Variants in SULT1B1 observed in about 807,000 individuals in gnomAD.
SULT1B1 encodes sulfotransferase 1B1.
In SULT1B1, 28 loss-of-function variants were observed where a neutral mutation model predicts 34.6. The observed-to-expected ratio is 0.81, with a 90% CI of 0.60 to 1.11. SULT1B1 has a LOEUF of 1.11. SULT1B1 is among the 50% of genes least tolerant of loss of function. The pLI, the probability that SULT1B1 is intolerant of heterozygous loss-of-function variation, is 0.00. For synonymous variants in SULT1B1, 147 were observed against 110.2 expected, an observed-to-expected ratio of 1.33 and a Z score of -2.09; for missense variants, 374 against 352.2, an observed-to-expected ratio of 1.06 and a Z score of -0.50.
intron 4 of SULT1B1, among the ~76,000 whole-genome samples, chr4:69,746,733 C>T (rs981220392): frequency 6.6e-6 from 1 of 152,162 alleles, no homozygotes; most frequent in Admixed American, 6.5e-5. Flanking sequence ...CCATTGCTGG[C>T]AAGCTAGTTA....
Position 69,755,178 on chromosome 4 carries a change from A to G in SULT1B1, c.40T>C (p.Leu14=). ...PKDILRKDLK[L]VHGYPMTCAF... Reference sequence around the variant, plus strand: ...CAGGTCATGGGATAACCATGGACCAACTTCAGATCTTTTCGCAGAATATCT... The same window carrying G: ...CAGGTCATGGGATAACCATGGACCAGCTTCAGATCTTTTCGCAGAATATCT... Residue 14 remains leucine (L), a synonymous_variant, in exon 2 of 8, where the codon TTG becomes CTG. Coordinates refer to ENST00000310613, the MANE Select transcript of SULT1B1 (RefSeq NM_014465.4). 6.2e-7 allele frequency: 1 copy of G among 1,613,852 alleles called. No individual in the cohort carries two copies. Among genetic ancestry groups the G allele is most frequent in the Non-Finnish European group, 8.5e-7 (1 of 1,179,718 alleles).
intron 7 of SULT1B1, among the ~76,000 whole-genome samples, chr4:69,728,969 G>A (rs1717952895): frequency 6.6e-6 from 1 of 151,974 alleles, no homozygotes; most frequent in South Asian, 2.1e-4. Flanking sequence ...TATTAGAACA[G>A]CAAGTGCTTT....
rs1394038468 is a variant in SULT1B1, at chr4:69,725,163, A to G, written c.*1925T>C. On this transcript the variant is annotated 3_prime_UTR_variant, in exon 8 of 8. Transcript: ENST00000310613. ...TATCCAGAATCTACAAAGAACTCAA[A>G]CAAATTTACAAGAAAAAAAAAACAA... 6.7e-6 allele frequency: 1 copy of G among 149,946 alleles called. No individual in the cohort carries two copies. The highest frequency in any genetic ancestry group is 1.5e-5 in the Non-Finnish European group (1 of 67,308). 9.3% of individuals were successfully genotyped at this position (149,946 alleles called of 1,614,324 possible).
chr4:69,745,480 G>C (rs1410480593), intron 4 of SULT1B1, among the ~76,000 whole-genome samples: 5 of 152,082 alleles, frequency 3.3e-5, no homozygotes, highest in African/African-American at 1.2e-4. Flanking sequence ...CCTTTTGATT[G>C]TTGGTTTAAA....
In SULT1B1 at chr4:69,726,849, TAC is replaced by T; in HGVS notation, c.*237_*238del. ...GAAAAAGGCAGGAAGAGCCTGTGGT[TAC>T]ATTGTTCCTTTGTTACAAAAAGTTA... On this transcript the variant is annotated 3_prime_UTR_variant, in exon 8 of 8. Transcript: ENST00000310613. The T allele has an allele frequency of 2.7e-6, 1 of 365,044 alleles. No homozygotes were observed. The highest frequency in any genetic ancestry group is 4.9e-6 in the Non-Finnish European group (1 of 204,558). The allele number at this position is 365,044 out of a possible 1,614,324, so 22.6% of individuals were successfully genotyped here. A position where few individuals can be genotyped will look rare whatever the true frequency, so the allele number is the denominator to read the frequency against.
rs547255424 is a variant in SULT1B1 at position 69,749,709 on chromosome 4, T to G, written c.375+12A>C. 1 of 1,595,610 alleles carries G rather than the reference T, an allele frequency of 6.3e-7. No individual in the cohort carries two copies. The highest frequency in any genetic ancestry group is 1.1e-5 in the South Asian group (1 of 90,502). ...GCCATACTAAAAAACTGACATGGAG[T>G]CTGGAGTATACCTTGCAATTGTTTT... On this transcript the variant is annotated intron_variant, in intron 4 of 7. Transcript: ENST00000310613.
At chr4:69,730,826 A>T in intron 6 of SULT1B1, 145 bp from the exon 7 acceptor site, 3 of 684,918 alleles carry the variant, frequency 4.4e-6, no homozygotes, top group Non-Finnish European at 7.1e-6. Flanking sequence ...CAATTTTTAA[A>T]TAAACTAATC....
intron 3 of SULT1B1, among the ~76,000 whole-genome samples, chr4:69,753,419 A>G (rs1719058176): frequency 6.6e-6 from 1 of 152,222 alleles, no homozygotes; most frequent in South Asian, 2.1e-4. Flanking sequence ...AAAACTCTAT[A>G]TAATTTTTCT....
intron 4 of SULT1B1, among the ~76,000 whole-genome samples, chr4:69,735,764 T>C: frequency 6.6e-6 from 1 of 152,130 alleles, no homozygotes; most frequent in Admixed American, 6.5e-5. Context: ...GTAGCTATCA[T>C]AAAAAAGCGT....
At chr4:69,748,163 A>G (rs926189410) in intron 4 of SULT1B1, among the ~76,000 whole-genome samples, 3 of 152,180 alleles carry the variant, frequency 2.0e-5, no homozygotes, top group African/African-American at 7.2e-5. Flanking sequence ...TGACAATGAT[A>G]CGTTGAGAGT....
intron 4 of SULT1B1, among the ~76,000 whole-genome samples, chr4:69,744,582 G>A (rs1373578164): frequency 2.6e-5 from 4 of 152,178 alleles, no homozygotes; most frequent in African/African-American, 9.7e-5. Context: ...GGTGTTGGTG[G>A]TTATTCTTGC....
At chr4:69,742,319 C>T (rs1422131855) in intron 4 of SULT1B1, among the ~76,000 whole-genome samples, 1 of 152,012 alleles carries the variant, frequency 6.6e-6, no homozygotes, top group African/African-American at 2.4e-5. Context: ...GGAATATTGT[C>T]CTGAAGTTTT....
intron 1 of SULT1B1, among the ~76,000 whole-genome samples, chr4:69,757,864 C>T (rs1245340833): frequency 6.6e-6 from 1 of 151,948 alleles, no homozygotes; most frequent in Non-Finnish European, 1.5e-5. Context: ...AGTTGCAGGC[C>T]TCAAAAACCT....
At chr4:69,731,257 T>C (rs890179932) in intron 6 of SULT1B1, among the ~76,000 whole-genome samples, 12 of 152,154 alleles carry the variant, frequency 7.9e-5, no homozygotes, top group Admixed American at 4.6e-4. Flanking sequence ...TAGATTCTCA[T>C]AGGAGCATGA....
chr4:69,730,464 A>C, intron 7 of SULT1B1, 37 bp downstream of exon 7: 5 of 1,556,430 alleles, frequency 3.2e-6, no homozygotes, highest in Non-Finnish European at 4.4e-6. Context: ...TTCATAAGAA[A>C]GTACGAAAGG....
At position 69,724,915 on chromosome 4, in the gene SULT1B1, A is replaced by T. The variant is rs1717758576; in HGVS notation, c.*2173T>A. 1 of 152,128 alleles carries T rather than the reference A, an allele frequency of 6.6e-6. No individual in the cohort carries two copies. The highest frequency in any genetic ancestry group is 2.4e-5 in the African/African-American group (1 of 41,416). 9.4% of individuals were successfully genotyped at this position (152,128 alleles called of 1,614,324 possible). ...AAATGTAAGACCTAAAACCATAAAA[A>T]CCCTAGAAGAAAACCTAGGCAATAT... is the stretch of plus-strand genomic sequence containing the variant. On this transcript the variant is annotated 3_prime_UTR_variant, in exon 8 of 8. Transcript: ENST00000310613.
At position 69,734,249 on chromosome 4, in the gene SULT1B1, G is replaced by A. The variant is rs540095455; in HGVS notation, c.391C>T (p.Arg131Cys). Reference protein sequence around the residue: ...ENNCKMIYLARNAKDVSVSYY... With the variant: ...ENNCKMIYLACNAKDVSVSYY... Reference sequence around the variant, plus strand: ...GAGACTGAAACATCCTTGGCATTACGAGCCAGATAAATCATCTGCAGTGGG... The same window carrying A: ...GAGACTGAAACATCCTTGGCATTACAAGCCAGATAAATCATCTGCAGTGGG... Residue 131 changes from arginine (R) to cysteine (C), a missense_variant, in exon 5 of 8, where the codon CGT becomes TGT. Physicochemically the swap from Arg to Cys is radical, Grantham distance 180. Coordinates refer to ENST00000310613, the MANE Select transcript of SULT1B1 (RefSeq NM_014465.4). 5.6e-6 allele frequency: 9 copies of A among 1,611,196 alleles called. No individual in the cohort carries two copies. The highest frequency in any genetic ancestry group is 2.2e-5 in the East Asian group (1 of 44,644).
intron 4 of SULT1B1, among the ~76,000 whole-genome samples, chr4:69,747,312 CA>C (rs1455945331): frequency 3.2e-4 from 49 of 152,158 alleles, no homozygotes; most frequent in Non-Finnish European, 2.9e-5. Context: ...GAATCTGCAC[CA>C]GTAGGGATCC....
chr4:69,728,653 A>G (rs72648421), intron 7 of SULT1B1, among the ~76,000 whole-genome samples: 6 of 52,258 alleles, frequency 1.1e-4, no homozygotes, highest in South Asian at 1.2e-3. Context: ...AGGAAGGAAG[A>G]ACGGAAGAAT....
Sources: allele counts gnomAD v4.1 joint callset (sites outside exome capture counted in the v4.1 genomes callset), GRCh38; gene constraint gnomAD v4.1.1; transcripts MANE v1.5; gene names NCBI Gene and HGNC (gene_info 2026-07-23, HGNC 2026-07-21).